The following DNALI1 variants were observed in gnomAD, a reference collection of about 807,000 sequenced individuals.
DNALI1 encodes the protein dynein axonemal light intermediate chain 1, also known as axonemal dynein light intermediate polypeptide 1.
In DNALI1, 31 loss-of-function variants were observed where a neutral mutation model predicts 33.9. The observed-to-expected ratio is 0.91, with a 90% CI of 0.69 to 1.23. The LOEUF (loss-of-function observed/expected upper bound fraction) is 1.23. Among genes scored for constraint, DNALI1 ranks in the 50% most tolerant of loss-of-function variants. The pLI, the probability that DNALI1 is intolerant of heterozygous loss-of-function variation, is 0.00. For synonymous variants in DNALI1, 117 were observed against 129.2 expected, an observed-to-expected ratio of 0.91 and a Z score of 0.64; for missense variants, 305 against 323.8, an observed-to-expected ratio of 0.94 and a Z score of 0.44.
Position 37,557,763 on chromosome 1 carries a change from G to A in DNALI1, c.227+15G>A, listed in dbSNP as rs748308242. 6 of 1,613,396 alleles carry A rather than the reference G, an allele frequency of 3.7e-6. No homozygotes were observed. The African/African-American group carries it at 6.7e-5, about 18-fold the overall frequency. Reference sequence around the variant, plus strand: ...CTACCCCCAAGGTAAGAAAGTAGGAGCAGTGGCTGGGAGAAGGCCTAAGCT... The same window carrying A: ...CTACCCCCAAGGTAAGAAAGTAGGAACAGTGGCTGGGAGAAGGCCTAAGCT... On this transcript the variant is annotated intron_variant, in intron 2 of 5. Coordinates refer to ENST00000652629, the MANE Select transcript of DNALI1 (RefSeq NM_003462.5).
At position 37,557,600 on chromosome 1, in the gene DNALI1, C is replaced by G. The variant is rs770308101; in HGVS notation, c.82-3C>G. ...CCTGCCCTCACCTGTGCCTTCATCT[C>G]AGGCTCGGCTACTGAAAGTCAGCCC... On this transcript the variant is annotated splice_region_variant and splice_polypyrimidine_tract_variant and intron_variant, in intron 1 of 5. Transcript: ENST00000652629. 8.1e-6 allele frequency: 13 copies of G among 1,611,910 alleles called. No individual in the cohort carries two copies. The Admixed American group carries it at 1.9e-4, about 23-fold the overall frequency.
At position 37,566,563 on chromosome 1, in the gene DNALI1, C is replaced by T. The variant is rs41267321; in HGVS notation, c.*1502C>T. 1.5e-5 allele frequency: 5 copies of T among 326,156 alleles called. No individual in the cohort carries two copies. Among genetic ancestry groups the T allele is most frequent in the Admixed American group, 4.5e-5 (1 of 22,008 alleles). 20.2% of individuals were successfully genotyped at this position (326,156 alleles called of 1,614,324 possible). Reference sequence around the variant, plus strand: ...CATTACCAATAAAAACGAAATACCACCCTTTCCATTTTATAGACCTCATCC... The same window carrying T: ...CATTACCAATAAAAACGAAATACCATCCTTTCCATTTTATAGACCTCATCC... On this transcript the variant is annotated 3_prime_UTR_variant, in exon 6 of 6. Coordinates refer to ENST00000652629, the MANE Select transcript of DNALI1 (RefSeq NM_003462.5).
chr1:37,561,725 TGGAGA>T lies in DNALI1; in HGVS notation c.570_574del (p.Arg191AsnfsTer23). The T allele has an allele frequency of 1.2e-6, 2 of 1,613,686 alleles. No individual in the cohort carries two copies. Among genetic ancestry groups the T allele is most frequent in the Non-Finnish European group, 1.7e-6 (2 of 1,179,720 alleles). On this transcript the variant is annotated frameshift_variant, in exon 4 of 6. Transcript: ENST00000652629. LOFTEE classifies it high-confidence loss of function. This position sits in a 1 kb window ranked among gnomAD's most constrained non-coding sequence, Gnocchi z 4.6. ...CAGGCTGAGCAGGGGAAGTCAGACA[TGGAGA>T]GGAAAGTGAGTGGGGTTTACCGTGA...
chr1:37,561,463 A>T lies in DNALI1; in HGVS notation c.398-94A>T, dbSNP rs369359847. On this transcript the variant is annotated intron_variant, in intron 3 of 5. Transcript: ENST00000652629. The surrounding 1 kb of genome is among the most constrained non-coding windows in gnomAD (Gnocchi z 4.6). The stretch of plus-strand genomic sequence containing the variant: ...TTTGTCTCCAAGCGAGAACACCCTA[A>T]TGTCCTTCCCAAGAGGAAGGGTGTT... The T allele has an allele frequency of 6.8e-7, 1 of 1,469,560 alleles. No individual in the cohort carries two copies. Among genetic ancestry groups the T allele is most frequent in the Non-Finnish European group, 9.2e-7 (1 of 1,085,452 alleles). 91.0% of individuals were successfully genotyped at this position (1,469,560 alleles called of 1,614,324 possible).
chr1:37,560,230 C>T (rs967782593), intron 3 of DNALI1, among the ~76,000 whole-genome samples: 1 of 152,224 alleles, frequency 6.6e-6, no homozygotes, highest in African/African-American at 2.4e-5. Flanking sequence ...ACTAATCCTC[C>T]TCAGCACAGA....
In DNALI1 at chr1:37,561,383, G is replaced by C. The variant is rs1420597574; in HGVS notation, c.398-174G>C. The C allele has an allele frequency of 1.4e-6, 1 of 713,994 alleles. No homozygotes were observed. Among genetic ancestry groups the C allele is most frequent in the African/African-American group, 1.8e-5 (1 of 56,054 alleles). 44.2% of individuals were successfully genotyped at this position (713,994 alleles called of 1,614,324 possible). A position where few individuals can be genotyped will look rare whatever the true frequency, so the allele number is the denominator to read the frequency against. On this transcript the variant is annotated intron_variant, in intron 3 of 5. Coordinates refer to ENST00000652629, the MANE Select transcript of DNALI1 (RefSeq NM_003462.5). This position sits in a 1 kb window ranked among gnomAD's most constrained non-coding sequence, Gnocchi z 4.6. ...TTCAGAGGAGTGACTGCATGGCAAGGCTCTTTGGGCCACTGAAGGCACCCT... is the reference window on the plus strand; with the variant it reads ...TTCAGAGGAGTGACTGCATGGCAAGCCTCTTTGGGCCACTGAAGGCACCCT...
At chr1:37,557,904 G>C in intron 2 of DNALI1, 156 bp downstream of exon 2, 1 of 1,028,442 alleles carries the variant, frequency 9.7e-7, no homozygotes, top group South Asian at 1.6e-5. Flanking sequence ...ATCCTGGCAG[G>C]GTGGTGGGAG....
rs550279607 is a variant in DNALI1 at position 37,566,733 on chromosome 1, G to C, written c.*1672G>C. Reference sequence around the variant, plus strand: ...GCTTTATTTCCCTAGCACTGGTGAAGGGCTTCAACTGTCAAACCTCAGAAC... The same window carrying C: ...GCTTTATTTCCCTAGCACTGGTGAACGGCTTCAACTGTCAAACCTCAGAAC... On this transcript the variant is annotated 3_prime_UTR_variant, in exon 6 of 6. Coordinates refer to ENST00000652629, the MANE Select transcript of DNALI1 (RefSeq NM_003462.5). 1 of 862,976 alleles carries C rather than the reference G, an allele frequency of 1.2e-6. No homozygotes were observed. Among genetic ancestry groups the C allele is most frequent in the African/African-American group, 1.7e-5 (1 of 59,486 alleles). The allele number at this position is 862,976 out of a possible 1,614,324, so 53.5% of individuals were successfully genotyped here.
In DNALI1 at chr1:37,565,277, T is replaced by G; in HGVS notation, c.*216T>G. 1.7e-6 allele frequency: 1 copy of G among 585,224 alleles called. No homozygotes were observed. Among genetic ancestry groups the G allele is most frequent in the South Asian group, 2.1e-5 (1 of 48,684 alleles). 36.3% of individuals were successfully genotyped at this position (585,224 alleles called of 1,614,324 possible). A position where few individuals can be genotyped will look rare whatever the true frequency, so the allele number is the denominator to read the frequency against. ...ACCTAAGGTCTGCCAGCCAGGCTCC[T>G]GGCTGGGCAATGGAAGATGGTGTGG... On this transcript the variant is annotated 3_prime_UTR_variant, in exon 6 of 6. Coordinates refer to ENST00000652629, the MANE Select transcript of DNALI1 (RefSeq NM_003462.5).
At position 37,559,582 on chromosome 1, in the gene DNALI1, T is replaced by C; in HGVS notation, c.397+86T>C. 1 of 1,359,736 alleles carries C rather than the reference T, an allele frequency of 7.4e-7. No homozygotes were observed. Among genetic ancestry groups the C allele is most frequent in the Non-Finnish European group, 9.6e-7 (1 of 1,042,356 alleles). 84.2% of individuals were successfully genotyped at this position (1,359,736 alleles called of 1,614,324 possible). On this transcript the variant is annotated intron_variant, in intron 3 of 5. Coordinates refer to ENST00000652629, the MANE Select transcript of DNALI1 (RefSeq NM_003462.5). The surrounding 1 kb of genome is among the most constrained non-coding windows in gnomAD (Gnocchi z 5.3). ...CAGCACAGATCCAAGCCTGAGCACC[T>C]TGGAGCTGGAGCCCATCTCATGCTG...
At position 37,561,673 on chromosome 1, in the gene DNALI1, G is replaced by A. The variant is rs771924444; in HGVS notation, c.514G>A (p.Val172Met). 19 of 1,614,030 alleles carry A rather than the reference G, an allele frequency of 1.2e-5. No individual in the cohort carries two copies. Among genetic ancestry groups the A allele is most frequent in the Middle Eastern group, 1.6e-4 (1 of 6,080 alleles). Reference sequence around the variant, plus strand: ...CTACCAGACCCTGTACGAGAGCAGCGTGGCGTTTGGCATGAGGAAGGCACT... The same window carrying A: ...CTACCAGACCCTGTACGAGAGCAGCATGGCGTTTGGCATGAGGAAGGCACT... Reference protein sequence around the residue: ...AAYQTLYESSVAFGMRKALQA... With the variant: ...AAYQTLYESSMAFGMRKALQA... The change falls in exon 4 of 6, where the codon GTG (valine) becomes ATG (methionine). Residue 172 changes from valine to methionine, a missense_variant. Physicochemically the swap from Val to Met is conservative, Grantham distance 21. Coordinates refer to ENST00000652629, the MANE Select transcript of DNALI1 (RefSeq NM_003462.5). This position sits in a 1 kb window ranked among gnomAD's most constrained non-coding sequence, Gnocchi z 4.6.
rs34767392 is a variant in DNALI1 at position 37,557,021 on chromosome 1, C to G, written c.27C>G (p.Leu9=). 660 of 1,614,206 alleles carry G rather than the reference C, an allele frequency of 4.1e-4. 1 individual carries two copies. The African/African-American group carries it at 7.5e-3, about 18-fold the overall frequency. The change falls in exon 1 of 6, where the codon CTC becomes CTG. Residue 9 remains leucine (L), a synonymous_variant. Transcript: ENST00000652629. Reference sequence around the variant, plus strand: ...TGATTCCGCCCGCAGACTCTTTGCTCAAGTACGACACCCCAGTGCTGGTGA... The same window carrying G: ...TGATTCCGCCCGCAGACTCTTTGCTGAAGTACGACACCCCAGTGCTGGTGA... MIPPADSL[L]KYDTPVLVSR...
In DNALI1 at chr1:37,559,957, C is replaced by T. The variant is rs1048812550; in HGVS notation, c.397+461C>T. 6.6e-6 allele frequency among the ~76,000 whole-genome samples: 1 copy of T among 152,122 alleles called. No homozygotes were observed. Among genetic ancestry groups the T allele is most frequent in the Admixed American group, 6.5e-5 (1 of 15,288 alleles). ...CACGTGAGCAAAGGAATCTGTGTCA[C>T]GAATAAGTTCAAGGGAAGGTACTAT... On this transcript the variant is annotated intron_variant, in intron 3 of 5. Transcript: ENST00000652629. The surrounding 1 kb of genome is among the most constrained non-coding windows in gnomAD (Gnocchi z 5.3).
intron 2 of DNALI1, 124 bp downstream of exon 2, chr1:37,557,872 C>T: frequency 7.3e-7 from 1 of 1,368,254 alleles, no homozygotes; most frequent in South Asian, 1.3e-5. Flanking sequence ...TCACAGAGCT[C>T]CTAGAACTTA....
rs144278053 is a variant in DNALI1, at chr1:37,562,170, C to T, written c.666C>T (p.Ser222=). The T allele has an allele frequency of 1.5e-3, 2,372 of 1,613,906 alleles. 37 individuals carry two copies. In the African/African-American group the frequency reaches 0.028, roughly 19 times the overall value. The change falls in exon 5 of 6, where the codon AGC becomes AGT. Residue 222 remains serine, a synonymous_variant. Transcript: ENST00000652629. The surrounding 1 kb of genome is among the most constrained non-coding windows in gnomAD (Gnocchi z 5.8). ...GTGAAGCCACTGAGAAGCGGGAGAGCGAGAGGCGGCAGGTGGAGGAGAAGA... is the reference window on the plus strand; with the variant it reads ...GTGAAGCCACTGAGAAGCGGGAGAGTGAGAGGCGGCAGGTGGAGGAGAAGA... ...AKCEATEKRE[S]ERRQVEEKKH...
rs1643451179 is a variant in DNALI1 at position 37,562,364 on chromosome 1, G to A, written c.741+119G>A. 7.5e-7 allele frequency: 1 copy of A among 1,341,334 alleles called. No homozygotes were observed. Among genetic ancestry groups the A allele is most frequent in the South Asian group, 1.5e-5 (1 of 67,022 alleles). 83.1% of individuals were successfully genotyped at this position (1,341,334 alleles called of 1,614,324 possible). A position where few individuals can be genotyped will look rare whatever the true frequency, so the allele number is the denominator to read the frequency against. On this transcript the variant is annotated intron_variant, in intron 5 of 5. Coordinates refer to ENST00000652629, the MANE Select transcript of DNALI1 (RefSeq NM_003462.5). This position sits in a 1 kb window ranked among gnomAD's most constrained non-coding sequence, Gnocchi z 5.8. ...TGTTTGTCCACATGCACTGCCAAAG[G>A]ATAAAGGAAGCTGACTTTGGTGGTG...
intron 5 of DNALI1, among the ~76,000 whole-genome samples, chr1:37,563,837 G>T (rs1488862597): frequency 6.6e-6 from 1 of 152,146 alleles, no homozygotes; most frequent in Non-Finnish European, 1.5e-5. Context: ...CAGCTTTGCT[G>T]TCCCCAGGAT....
At position 37,561,771 on chromosome 1, in the gene DNALI1, C is replaced by G; in HGVS notation, c.576+36C>G. On this transcript the variant is annotated intron_variant, in intron 4 of 5. Coordinates refer to ENST00000652629, the MANE Select transcript of DNALI1 (RefSeq NM_003462.5). The surrounding 1 kb of genome is among the most constrained non-coding windows in gnomAD (Gnocchi z 4.6). Reference sequence around the variant, plus strand: ...TTTACCGTGACCCTTGGTCCCATCTCTTCTGTAAACCTCAGGGCCACATGC... The same window carrying G: ...TTTACCGTGACCCTTGGTCCCATCTGTTCTGTAAACCTCAGGGCCACATGC... 1 of 1,596,766 alleles carries G rather than the reference C, an allele frequency of 6.3e-7. No homozygotes were observed. Among genetic ancestry groups the G allele is most frequent in the Non-Finnish European group, 8.6e-7 (1 of 1,168,192 alleles).
In DNALI1 at chr1:37,562,602, G is replaced by A. The variant is rs541455225; in HGVS notation, c.741+357G>A. Among the ~76,000 whole-genome samples the A allele has an allele frequency of 7.2e-5, 11 of 152,286 alleles. No individual in the cohort carries two copies. Among genetic ancestry groups the A allele is most frequent in the South Asian group, 2.1e-4 (1 of 4,826 alleles). On this transcript the variant is annotated intron_variant, in intron 5 of 5. Coordinates refer to ENST00000652629, the MANE Select transcript of DNALI1 (RefSeq NM_003462.5). The surrounding 1 kb of genome is among the most constrained non-coding windows in gnomAD (Gnocchi z 5.8). ...GGGGGCTGGGCTCCAGGTGGCTTGC[G>A]TGGTAGTGCCATCCCATGGCTGTCT...
Sources: allele counts gnomAD v4.1 joint callset (sites outside exome capture counted in the v4.1 genomes callset), GRCh38; gene constraint gnomAD v4.1.1; non-coding constraint Gnocchi (gnomAD v3.1); transcripts MANE v1.5; gene names NCBI Gene and HGNC (gene_info 2026-07-23, HGNC 2026-07-21).